Variants in CHDH observed in about 807,000 individuals in gnomAD.
CHDH encodes choline dehydrogenase.
A neutral mutation model predicts 56.9 loss-of-function variants in CHDH; 43 were observed. That is an observed-to-expected ratio of 0.76 (90% CI 0.59 to 0.97). The LOEUF is 0.97. CHDH is among the 50% of genes least tolerant of loss of function. The pLI, the probability that CHDH is intolerant of heterozygous loss-of-function variation, is 0.00. For missense variants in CHDH, 816 were observed against 821.1 expected (o/e 0.99, Z 0.08); for synonymous variants, 364 against 348.5 (o/e 1.04, Z -0.50).
Position 53,823,924 on chromosome 3 carries a change from C to A in CHDH, c.85G>T (p.Ala29Ser). 5 of 1,546,714 alleles carry A rather than the reference C, an allele frequency of 3.2e-6. No individual in the cohort carries two copies. The highest frequency in any genetic ancestry group is 4.3e-6 in the Non-Finnish European group (5 of 1,154,264). ...LGQQQSLGAR[A>S]LASAGSESRD... Reference sequence around the variant, plus strand: ...CTCTCAGAGCCTGCGCTGGCCAGGGCCCGGGCACCCAGGGATTGCTGCTGC... The same window carrying A: ...CTCTCAGAGCCTGCGCTGGCCAGGGACCGGGCACCCAGGGATTGCTGCTGC... The change falls in exon 3 of 9, where the codon GCC (alanine) becomes TCC (serine). Residue 29 changes from alanine (A) to serine (S), a missense_variant. Physicochemically the swap from Ala to Ser is moderately conservative, Grantham distance 99. Transcript: ENST00000315251.
chr3:53,835,413 C>T (rs1441713307), intron 2 of CHDH, among the ~76,000 whole-genome samples: 1 of 152,226 alleles, frequency 6.6e-6, no homozygotes, highest in Non-Finnish European at 1.5e-5. Flanking sequence ...CCCAGGCTTG[C>T]ACTTGACCTT....
chr3:53,832,144 G>T (rs1392975986), intron 2 of CHDH, among the ~76,000 whole-genome samples: 1 of 152,120 alleles, frequency 6.6e-6, no homozygotes, highest in Non-Finnish European at 1.5e-5. Context: ...CCAAAAACCT[G>T]AAAGCAGAAA....
At position 53,814,257 on chromosome 3, in the gene CHDH, T is replaced by TTTGA. The variant is rs1440059615; in HGVS notation, c.*3516_*3519dup. On this transcript the variant is annotated 3_prime_UTR_variant, in exon 9 of 9. Coordinates refer to ENST00000315251, the MANE Select transcript of CHDH (RefSeq NM_018397.5). Reference sequence around the variant, plus strand: ...GCATTTCCTAGAAAAGTTGTACTGTTTTGATAGGCAGCTGGCTGGTTTAGA... The same window carrying TTTGA: ...GCATTTCCTAGAAAAGTTGTACTGTTTTGATTGATAGGCAGCTGGCTGGTTTAGA... 1 of 152,258 alleles carries TTTGA rather than the reference T, an allele frequency of 6.6e-6. No individual in the cohort carries two copies. Among genetic ancestry groups the TTTGA allele is most frequent in the African/African-American group, 2.4e-5 (1 of 41,462 alleles). The allele number at this position is 152,258 out of a possible 1,614,324, so 9.4% of individuals were successfully genotyped here. A position where few individuals can be genotyped will look rare whatever the true frequency, so the allele number is the denominator to read the frequency against.
intron 2 of CHDH, among the ~76,000 whole-genome samples, chr3:53,825,239 G>A (rs1262970560): frequency 6.6e-6 from 1 of 152,138 alleles, no homozygotes; most frequent in Admixed American, 6.5e-5. Flanking sequence ...AAAAAATTAG[G>A]ATACATACCA....
chr3:53,824,688 C>T (rs2095635786), intron 2 of CHDH, among the ~76,000 whole-genome samples: 1 of 152,310 alleles, frequency 6.6e-6, no homozygotes, highest in Middle Eastern at 3.4e-3. Flanking sequence ...TCAAAGATCA[C>T]TCTGTAGAAT....
Position 53,816,073 on chromosome 3 carries a change from T to C in CHDH, c.*1704A>G, listed in dbSNP as rs970683228. 4.0e-5 allele frequency: 6 copies of C among 151,888 alleles called. No homozygotes were observed. Among genetic ancestry groups the C allele is most frequent in the South Asian group, 2.1e-4 (1 of 4,792 alleles). 9.4% of individuals were successfully genotyped at this position (151,888 alleles called of 1,614,324 possible). A position where few individuals can be genotyped will look rare whatever the true frequency, so the allele number is the denominator to read the frequency against. ...TTTTTAAAAGGAGAGGTGTGATGGGTTTCTTCCTGCTGCCTCTCTCGAAGG... is the reference window on the plus strand; with the variant it reads ...TTTTTAAAAGGAGAGGTGTGATGGGCTTCTTCCTGCTGCCTCTCTCGAAGG... On this transcript the variant is annotated 3_prime_UTR_variant, in exon 9 of 9. Coordinates refer to ENST00000315251, the MANE Select transcript of CHDH (RefSeq NM_018397.5).
intron 2 of CHDH, among the ~76,000 whole-genome samples, chr3:53,829,693 C>T (rs920307962): frequency 3.9e-5 from 6 of 152,190 alleles, no homozygotes; most frequent in Non-Finnish European, 7.3e-5. Flanking sequence ...GGCATTCCTG[C>T]CTGGAGTATC....
In CHDH at chr3:53,818,174, C is replaced by T. The variant is rs768181368; in HGVS notation, c.1388G>A (p.Arg463His). Reference sequence around the variant, plus strand: ...TTCTCTGGTGAGCTTCACACACAGACGGAAATCCTCAATATCAGTTTCTGT... The same window carrying T: ...TTCTCTGGTGAGCTTCACACACAGATGGAAATCCTCAATATCAGTTTCTGT... ...LSTETDIEDF[R>H]LCVKLTREIF... Residue 463 changes from arginine to histidine, a missense_variant, in exon 9 of 9, where the codon CGT becomes CAT. Coordinates refer to ENST00000315251, the MANE Select transcript of CHDH (RefSeq NM_018397.5). 91 of 1,608,618 alleles carry T rather than the reference C, an allele frequency of 5.7e-5. 1 individual carries two copies. The highest frequency in any genetic ancestry group is 3.3e-4 in the Middle Eastern group (2 of 6,032).
rs148122018 is a variant in CHDH at position 53,818,984 on chromosome 3, G to A, written c.1320C>T (p.Ala440=). The A allele has an allele frequency of 5.0e-6, 8 of 1,613,894 alleles. No individual in the cohort carries two copies. The Admixed American group carries it at 1.2e-4, about 24-fold the overall frequency. Residue 440 remains alanine, a synonymous_variant, in exon 8 of 9, where the codon GCC becomes GCT. Transcript: ENST00000315251. ...GGATCACAGGGTGGTCTTGGGGATT[G>A]GCACTTCTCAGTTTGAGCCAGCCCA... ...TSVGWLKLRS[A]NPQDHPVIQP...
chr3:53,825,376 A>AGAT (rs1329443361), intron 2 of CHDH, among the ~76,000 whole-genome samples: 1 of 152,230 alleles, frequency 6.6e-6, no homozygotes, highest in Non-Finnish European at 1.5e-5. Flanking sequence ...GCATTATAAA[A>AGAT]GATATAGTTG....
intron 2 of CHDH, among the ~76,000 whole-genome samples, chr3:53,837,387 C>T (rs995966113): frequency 6.6e-6 from 1 of 152,228 alleles, no homozygotes; most frequent in African/African-American, 2.4e-5. Flanking sequence ...CCCACCTGCC[C>T]TCTGGATCCT....
At chr3:53,831,952 CA>C (rs113683840) in intron 2 of CHDH, among the ~76,000 whole-genome samples, 7,123 of 106,446 alleles carry the variant, frequency 0.067, 318 homozygotes, top group African/African-American at 0.16. Context: ...GACTCCATCT[CA>C]AAAAAAAAAA....
intron 6 of CHDH, 74 bp downstream of exon 6, chr3:53,820,400 T>C: frequency 6.6e-7 from 1 of 1,523,434 alleles, no homozygotes. Flanking sequence ...CCAGAACCCC[T>C]GTTCAGCTCC....
chr3:53,830,652 C>A (rs1338946309), intron 2 of CHDH, among the ~76,000 whole-genome samples: 2 of 151,988 alleles, frequency 1.3e-5, no homozygotes, highest in African/African-American at 4.8e-5. Context: ...CAGTTGGAGA[C>A]CTAACAGATA....
At chr3:53,842,873 C>T (rs1698717572) in intron 1 of CHDH, among the ~76,000 whole-genome samples, 1 of 152,176 alleles carries the variant, frequency 6.6e-6, no homozygotes, top group African/African-American at 2.4e-5. Flanking sequence ...AGGAGTGCTC[C>T]CAACAGTTCC....
At chr3:53,842,267 A>T (rs971343047) in intron 1 of CHDH, among the ~76,000 whole-genome samples, 14 of 152,152 alleles carry the variant, frequency 9.2e-5, no homozygotes. Context: ...TTCCTCCATA[A>T]AGTGTGGAAT....
At chr3:53,832,775 C>T (rs373962404) in intron 2 of CHDH, among the ~76,000 whole-genome samples, 10 of 151,878 alleles carry the variant, frequency 6.6e-5, no homozygotes, top group East Asian at 5.8e-4. Flanking sequence ...TACTAGGAGA[C>T]GAGGGGAAGG....
chr3:53,823,643 C>T lies in CHDH; in HGVS notation c.366G>A (p.Trp122Ter), dbSNP rs777454203. 7 of 1,544,850 alleles carry T rather than the reference C, an allele frequency of 4.5e-6. No individual in the cohort carries two copies. Among genetic ancestry groups the T allele is most frequent in the Non-Finnish European group, 6.1e-6 (7 of 1,146,300 alleles). The part of the protein sequence containing the change: ...QRGLDGRVLY[W>*]PRGRVWGGSS... ...AGCCACCCCAGACGCGGCCGCGTGG[C>T]CAGTACAGCACGCGGCCGTCCAGGC... The change falls in exon 3 of 9, where the codon TGG becomes TGA. Residue 122 changes from tryptophan to a stop codon, truncating the protein, a stop_gained. Coordinates refer to ENST00000315251, the MANE Select transcript of CHDH (RefSeq NM_018397.5). LOFTEE classifies it high-confidence loss of function.
intron 2 of CHDH, among the ~76,000 whole-genome samples, chr3:53,840,526 CA>C (rs35642771): frequency 1.1e-4 from 16 of 148,358 alleles, no homozygotes; most frequent in African/African-American, 2.5e-4. Flanking sequence ...GACCTTGTCT[CA>C]AAAAAAAAAA....
Sources: gnomAD v4.1 joint callset for allele counts (sites outside exome capture counted in the v4.1 genomes callset) on GRCh38, gnomAD v4.1.1 for gene constraint, MANE v1.5 for transcripts, NCBI Gene and HGNC (gene_info 2026-07-23, HGNC 2026-07-21) for gene names.